The following ADH4 variants were observed in gnomAD, a reference collection of about 807,000 sequenced individuals.
ADH4 encodes all-trans-retinol dehydrogenase [NAD(+)] ADH4.
In ADH4, 31 loss-of-function variants were observed where a neutral mutation model predicts 35.2. The observed-to-expected ratio is 0.88, with a 90% CI of 0.66 to 1.19. The LOEUF is 1.19. ADH4 is among the 50% of genes most tolerant of loss of function. The pLI is 0.00. For missense variants in ADH4, 476 were observed against 458.3 expected (o/e 1.04, Z -0.35); for synonymous variants, 171 against 160.2 (o/e 1.07, Z -0.51).
intron 3 of ADH4, among the ~76,000 whole-genome samples, chr4:99,140,914 G>T (rs1251664021): frequency 6.6e-6 from 1 of 151,928 alleles, no homozygotes; most frequent in Non-Finnish European, 1.5e-5. Flanking sequence ...TTAGATTTAA[G>T]GGTACATGTG....
At chr4:99,143,032 A>G (rs1196162066) in intron 1 of ADH4, 2 of 667,604 alleles carry the variant, frequency 3.0e-6, no homozygotes, top group East Asian at 5.5e-5. Context: ...AAACAGGTGT[A>G]TTAAAGTTTA....
At chr4:99,134,650 T>TA (rs1240564402) in intron 5 of ADH4, among the ~76,000 whole-genome samples, 1 of 152,044 alleles carries the variant, frequency 6.6e-6, no homozygotes, top group African/African-American at 2.4e-5. Context: ...TCCACCCAGC[T>TA]ACTAGTACCC....
At chr4:99,136,932 C>G (rs1406497356) in intron 4 of ADH4, among the ~76,000 whole-genome samples, 2 of 151,444 alleles carry the variant, frequency 1.3e-5, no homozygotes, top group Non-Finnish European at 2.9e-5. Context: ...TTTCGTCACT[C>G]AGGCTGGAGT....
intron 1 of ADH4, 175 bp from the exon 2 acceptor site, chr4:99,142,955 A>G: frequency 4.9e-6 from 3 of 617,610 alleles, no homozygotes; most frequent in Non-Finnish European, 8.6e-6. Context: ...AAGACAAGGG[A>G]TCTTAAAGAA....
intron 6 of ADH4, among the ~76,000 whole-genome samples, chr4:99,128,426 T>C (rs1729166533): frequency 1.3e-5 from 2 of 152,152 alleles, no homozygotes; most frequent in South Asian, 4.1e-4. Flanking sequence ...AGAGTGAGAC[T>C]CCATCTCAAA....
chr4:99,140,168 A>G (rs1291797739), intron 3 of ADH4, among the ~76,000 whole-genome samples: 1 of 152,194 alleles, frequency 6.6e-6, no homozygotes, highest in African/African-American at 2.4e-5. Flanking sequence ...ACATATATAT[A>G]ATATTTCTCA....
At chr4:99,134,604 T>C (rs17218108) in intron 5 of ADH4, among the ~76,000 whole-genome samples, 31,937 of 151,690 alleles carry the variant, frequency 0.21, 4,030 homozygotes, top group Non-Finnish European at 0.28. Flanking sequence ...CAGCAGAAAA[T>C]AGGCTTTGAC....
At chr4:99,131,892 A>C (rs1226695374) in intron 5 of ADH4, 128 bp from the exon 6 acceptor site, 2 of 988,684 alleles carry the variant, frequency 2.0e-6, no homozygotes, top group African/African-American at 3.3e-5. Flanking sequence ...ACTCTATGAT[A>C]TAGCCAATGG....
chr4:99,138,139 G>A (rs557167644), intron 4 of ADH4, among the ~76,000 whole-genome samples: 31 of 152,100 alleles, frequency 2.0e-4, no homozygotes, highest in Non-Finnish European at 3.7e-4. Flanking sequence ...AGGTGGTATC[G>A]TATATTTCAT....
At chr4:99,137,077 G>A (rs1729459330) in intron 4 of ADH4, among the ~76,000 whole-genome samples, 1 of 151,732 alleles carries the variant, frequency 6.6e-6, no homozygotes, top group Non-Finnish European at 1.5e-5. Flanking sequence ...AGCCTCCCGA[G>A]TAGCTGGGAT....
intron 5 of ADH4, among the ~76,000 whole-genome samples, chr4:99,134,740 T>C (rs1040712993): frequency 5.9e-5 from 9 of 151,758 alleles, no homozygotes; most frequent in Admixed American, 3.3e-4. Flanking sequence ...AATACATTTT[T>C]AAAGGGAGAT....
intron 5 of ADH4, 83 bp downstream of exon 5, chr4:99,136,383 G>C: frequency 8.7e-7 from 1 of 1,148,200 alleles, no homozygotes; most frequent in East Asian, 2.4e-5. Flanking sequence ...GCCACAGTTT[G>C]AAGATAACTA....
At chr4:99,137,099 A>G (rs754107070) in intron 4 of ADH4, among the ~76,000 whole-genome samples, 3 of 150,662 alleles carry the variant, frequency 2.0e-5, no homozygotes, top group Non-Finnish European at 4.4e-5. Flanking sequence ...ATAGGCATGC[A>G]CCACTACGCC....
chr4:99,131,851 A>G (rs1729286930), intron 5 of ADH4, 87 bp from the exon 6 acceptor site: 1 of 1,408,928 alleles, frequency 7.1e-7, no homozygotes, highest in Non-Finnish European at 9.5e-7. Context: ...TGGGGGCATG[A>G]ACATATGAAT....
At position 99,126,683 on chromosome 4, in the gene ADH4, A is replaced by G; in HGVS notation, c.1029T>C (p.Asn343=). ...SIPKLVTDYK[N]KKFNLDALVT... is the part of the protein sequence containing the mutation. ...CCAGTGCATCCAGATTGAATTTCTT[A>G]TTCTTATAGTCAGTGACCAGCTTTG... The change falls in exon 8 of 9, where the codon AAT becomes AAC. Residue 343 remains asparagine (N), a synonymous_variant. Transcript: ENST00000265512. 6.2e-7 allele frequency: 1 copy of G among 1,612,082 alleles called. No homozygotes were observed. The highest frequency in any genetic ancestry group is 8.5e-7 in the Non-Finnish European group (1 of 1,178,524).
chr4:99,127,026 T>C, intron 7 of ADH4, among the ~76,000 whole-genome samples, 183 bp downstream of exon 7: 1 of 152,142 alleles, frequency 6.6e-6, no homozygotes, highest in Non-Finnish European at 1.5e-5. Flanking sequence ...ATTTGCAAAT[T>C]ATAATTACCT....
At chr4:99,136,206 G>A (rs757309640) in intron 5 of ADH4, among the ~76,000 whole-genome samples, 2 of 152,136 alleles carry the variant, frequency 1.3e-5, no homozygotes, top group Admixed American at 1.3e-4. Context: ...AACCTAATAT[G>A]TTAGTATAGT....
intron 6 of ADH4, among the ~76,000 whole-genome samples, chr4:99,130,172 C>T (rs954650389): frequency 6.6e-6 from 1 of 152,168 alleles, no homozygotes; most frequent in African/African-American, 2.4e-5. Context: ...AAATAAGTAA[C>T]TATTGTTTTA....
chr4:99,142,594 T>A, intron 2 of ADH4, 85 bp downstream of exon 2: 1 of 777,370 alleles, frequency 1.3e-6, no homozygotes, highest in South Asian at 4.0e-5. Flanking sequence ...GGCCTCTGAA[T>A]CATAGCACAG....
Sources: gnomAD v4.1 joint callset for allele counts (sites outside exome capture counted in the v4.1 genomes callset) on GRCh38, gnomAD v4.1.1 for gene constraint, MANE v1.5 for transcripts, NCBI Gene and HGNC (gene_info 2026-07-23, HGNC 2026-07-21) for gene names.